PDE1C: variants seen among roughly 807,000 people sequenced by gnomAD.
The protein encoded by PDE1C is phosphodiesterase 1C.
Under a neutral mutation model 93.1 loss-of-function variants are expected in PDE1C, and 62 were observed. The ratio of observed to expected loss-of-function variants is 0.67; its 90% CI spans 0.54 to 0.82. The LOEUF is 0.82. PDE1C is among the 40% of genes least tolerant of loss of function. The probability of loss-of-function intolerance (pLI) is 0.00; values close to 1 mark genes in which losing one functional copy is unlikely to be tolerated. For missense variants in PDE1C, 742 were observed against 884.6 expected (o/e 0.84, Z 2.04); for synonymous variants, 325 against 310.1 (o/e 1.05, Z -0.50).
chr7:31,938,632 A>G lies in PDE1C; in HGVS notation c.129-57772T>C, dbSNP rs552603214. Reference sequence around the variant, plus strand: ...GAAACTTTACAAAAATTTATGTTGAATCATCTTTATTCATAATAGCTCCTA... The same window carrying G: ...GAAACTTTACAAAAATTTATGTTGAGTCATCTTTATTCATAATAGCTCCTA... On this transcript the variant is annotated intron_variant, in intron 2 of 17. Transcript: ENST00000396191. Among the ~76,000 whole-genome samples, 8 of 152,316 alleles carry G rather than the reference A, an allele frequency of 5.3e-5. 2 individuals carry two copies. The South Asian group carries it at 1.0e-3, about 20-fold the overall frequency.
intron 2 of PDE1C, among the ~76,000 whole-genome samples, chr7:32,027,289 T>C (rs1314238272): frequency 6.6e-6 from 1 of 152,084 alleles, no homozygotes; most frequent in Non-Finnish European, 1.5e-5. Flanking sequence ...GAAAAATATC[T>C]GTACCTTCCT....
At chr7:31,925,646 C>A (rs1485935724) in intron 2 of PDE1C, among the ~76,000 whole-genome samples, 1 of 152,026 alleles carries the variant, frequency 6.6e-6, no homozygotes, top group East Asian at 1.9e-4. Context: ...GGAAGGGAGA[C>A]AATTTGCATC....
intron 1 of PDE1C, among the ~76,000 whole-genome samples, chr7:32,425,132 ATT>A (rs903280979): frequency 2.4e-4 from 36 of 151,826 alleles, no homozygotes; most frequent in African/African-American, 8.7e-4. Context: ...ATATATATAT[ATT>A]CATATATATT....
intron 2 of PDE1C, among the ~76,000 whole-genome samples, chr7:31,965,627 G>A (rs576409717): frequency 5.3e-5 from 8 of 152,198 alleles, no homozygotes; most frequent in South Asian, 2.1e-4. Context: ...GATACTCCTC[G>A]AGAAGAGCAA....
chr7:31,676,112 G>A, the PDE1C span, among the ~76,000 whole-genome samples: 4 of 152,300 alleles, frequency 2.6e-5, no homozygotes, highest in South Asian at 2.1e-4. Flanking sequence ...GACGGTGGCC[G>A]AGAAGCCCAG....
At chr7:32,183,822 G>C (rs1220096850) in intron 2 of PDE1C, among the ~76,000 whole-genome samples, 1 of 152,096 alleles carries the variant, frequency 6.6e-6, no homozygotes, top group East Asian at 1.9e-4. Context: ...AAACTAAAGA[G>C]CTTCTGCACA....
intron 7 of PDE1C, among the ~76,000 whole-genome samples, chr7:31,856,199 T>C (rs1793997586): frequency 6.6e-6 from 1 of 152,250 alleles, no homozygotes; most frequent in Admixed American, 6.5e-5. Flanking sequence ...AAGCGTTTTC[T>C]CCCTCTTGGT....
At chr7:32,093,723 C>CA (rs1361033839) in intron 3 of PDE1C, among the ~76,000 whole-genome samples, 2 of 152,176 alleles carry the variant, frequency 1.3e-5, no homozygotes, top group South Asian at 2.1e-4. Flanking sequence ...AAACTAGTTG[C>CA]AAAAAATAAG....
the PDE1C span, chr7:31,695,564 C>CA: frequency 3.4e-5 from 55 of 1,611,874 alleles, no homozygotes; most frequent in African/African-American, 3.1e-4. Flanking sequence ...TGAGTCAGAC[C>CA]AAAAAAAACC....
chr7:31,627,659 CAA>C, the PDE1C span, among the ~76,000 whole-genome samples: 10,045 of 75,250 alleles, frequency 0.13, 291 homozygotes, highest in Middle Eastern at 0.23. Context: ...GACACTGTCT[CAA>C]AAAAAAAAAA....
intron 1 of PDE1C, among the ~76,000 whole-genome samples, chr7:32,293,843 G>A (rs1317681827): frequency 6.6e-6 from 1 of 152,164 alleles, no homozygotes; most frequent in South Asian, 2.1e-4. Flanking sequence ...CCAACCAGGT[G>A]TAAAAGCTCC....
chr7:32,080,808 T>C (rs1796620160), intron 3 of PDE1C, among the ~76,000 whole-genome samples: 1 of 152,216 alleles, frequency 6.6e-6, no homozygotes, highest in Non-Finnish European at 1.5e-5. Context: ...AACATATCTA[T>C]GAATGCCTTC....
chr7:31,647,900 T>C, the PDE1C span, among the ~76,000 whole-genome samples: 1 of 152,080 alleles, frequency 6.6e-6, no homozygotes, highest in Non-Finnish European at 1.5e-5. Flanking sequence ...TTGGGTTGTC[T>C]AGGGTAATGA....
chr7:31,872,470 C>T (rs575856631), intron 6 of PDE1C, among the ~76,000 whole-genome samples: 14 of 152,130 alleles, frequency 9.2e-5, no homozygotes, highest in African/African-American at 2.9e-4. Flanking sequence ...ATAGTCTATG[C>T]GTGTAACAAA....
chr7:32,336,451 A>C (rs936982576), intron 1 of PDE1C, among the ~76,000 whole-genome samples: 17 of 152,208 alleles, frequency 1.1e-4, no homozygotes, highest in Non-Finnish European at 2.2e-4. Flanking sequence ...AAAATGGAAA[A>C]ATGACAGGCT....
At chr7:32,149,928 A>T (rs11975235) in intron 3 of PDE1C, among the ~76,000 whole-genome samples, 3 of 152,086 alleles carry the variant, frequency 2.0e-5, no homozygotes, top group Admixed American at 2.0e-4. Context: ...AATAAGAGAA[A>T]GTAATGATCC....
intron 17 of PDE1C, among the ~76,000 whole-genome samples, chr7:31,772,973 T>C (rs1795597625): frequency 6.6e-6 from 1 of 152,206 alleles, no homozygotes. Context: ...GTGATGCTCC[T>C]GAGGCAGGAA....
At chr7:32,425,977 G>GA (rs1342212311) in intron 1 of PDE1C, among the ~76,000 whole-genome samples, 2 of 151,378 alleles carry the variant, frequency 1.3e-5, no homozygotes, top group Non-Finnish European at 2.9e-5. Context: ...GAAGGAAGGA[G>GA]AAAAAATGTG....
chr7:32,089,859 A>G (rs1256971377), intron 3 of PDE1C, among the ~76,000 whole-genome samples: 1 of 152,064 alleles, frequency 6.6e-6, no homozygotes, highest in African/African-American at 2.4e-5. Context: ...ACCACAATCC[A>G]TTTTCTTGTT....
Sources: allele counts gnomAD v4.1 joint callset (sites outside exome capture counted in the v4.1 genomes callset), GRCh38; gene constraint gnomAD v4.1.1; transcripts MANE v1.5; gene names NCBI Gene and HGNC (gene_info 2026-07-23, HGNC 2026-07-21).